Variants in KRT7 observed in about 807,000 individuals in gnomAD.
KRT7 encodes the protein keratin 7.
KRT7 carries 50 observed loss-of-function variants against 42.8 expected under a neutral mutation model. That is an observed-to-expected ratio of 1.17 (90% CI 0.93 to 1.48). The LOEUF (loss-of-function observed/expected upper bound fraction) is 1.48, where lower values mean the gene tolerates loss of function less well. KRT7 is among the 40% of genes most tolerant of loss of function. The pLI, the probability that KRT7 is intolerant of heterozygous loss-of-function variation, is 0.00. For synonymous variants in KRT7, 268 were observed against 266.3 expected (o/e 1.01, Z -0.06); for missense variants, 588 against 637.6 (o/e 0.92, Z 0.84).
At chr12:52,238,799 C>T (rs1230495335) in intron 4 of KRT7, 24 bp downstream of exon 4, 1 of 1,433,172 alleles carries the variant, frequency 7.0e-7, no homozygotes, top group East Asian at 2.3e-5. Flanking sequence ...AGCTGGGTGA[C>T]ATGTCTTATC....
Position 52,245,501 on chromosome 12 carries a change from A to C in KRT7, c.1074A>C (p.Glu358Asp). 6.2e-7 allele frequency: 1 copy of C among 1,613,964 alleles called. No homozygotes were observed. The highest frequency in any genetic ancestry group is 8.5e-7 in the Non-Finnish European group (1 of 1,179,864). The change falls in exon 7 of 9, where the codon GAA becomes GAC. Residue 358 changes from glutamate (E) to aspartate (D), a missense_variant. Physicochemically the swap from Glu to Asp is conservative, Grantham distance 45. Coordinates refer to ENST00000331817, the MANE Select transcript of KRT7 (RefSeq NM_005556.4). ...CTCGTGCCAAGCAGGAGGAGCTGGA[A>C]GCCGCCCTGCAGCGGGGCAAGCAGG... Reference protein sequence around the residue: ...KDARAKQEELEAALQRGKQDM... With the variant: ...KDARAKQEELDAALQRGKQDM...
At chr12:52,249,410 C>T (rs1173618834), downstream of KRT7, 1 of 152,404 alleles carries the variant, frequency 6.6e-6, no homozygotes, top group Non-Finnish European at 1.5e-5. Flanking sequence ...AGGTCCTCTG[C>T]ATCTTGAATT....
downstream of KRT7, chr12:52,253,241 G>A (rs1484448584): frequency 6.2e-7 from 1 of 1,610,088 alleles, no homozygotes; most frequent in African/African-American, 1.3e-5. Context: ...CACCTCGGCT[G>A]TCAGCCTCTG....
At chr12:52,239,712 A>G (rs1942058445) in intron 4 of KRT7, among the ~76,000 whole-genome samples, 1 of 152,176 alleles carries the variant, frequency 6.6e-6, no homozygotes, top group Admixed American at 6.5e-5. Flanking sequence ...GGGGAGCCCA[A>G]GTCAGGAGAG....
Position 52,238,727 on chromosome 12 carries a change from G to A in KRT7, c.645G>A (p.Val215=), listed in dbSNP as rs779940537. 7 of 1,614,090 alleles carry A rather than the reference G, an allele frequency of 4.3e-6. No individual in the cohort carries two copies. Among genetic ancestry groups the A allele is most frequent in the Non-Finnish European group, 5.9e-6 (7 of 1,179,948 alleles). ...GCAAGGTGGAGCTGGAGGCCAAGGT[G>A]GATGCCCTGAATGATGAGATCAACT... The part of the protein sequence containing the change: ...YMSKVELEAK[V]DALNDEINFL... The change falls in exon 4 of 9, where the codon GTG becomes GTA. Residue 215 remains valine, a synonymous_variant. Coordinates refer to ENST00000331817, the MANE Select transcript of KRT7 (RefSeq NM_005556.4).
At chr12:52,240,536 A>G (rs1942073232) in intron 4 of KRT7, among the ~76,000 whole-genome samples, 1 of 152,134 alleles carries the variant, frequency 6.6e-6, no homozygotes, top group African/African-American at 2.4e-5. Flanking sequence ...AGGCTGAGAC[A>G]GGAGAACTGG....
downstream of KRT7, chr12:52,253,821 G>A (rs569589417): frequency 3.2e-4 from 176 of 551,014 alleles, no homozygotes; most frequent in African/African-American, 2.5e-3. Context: ...ACTCTTGGTA[G>A]CCCACCCTCA....
downstream of KRT7, among the ~76,000 whole-genome samples, chr12:52,251,369 C>T (rs1006114861): frequency 2.0e-5 from 3 of 152,204 alleles, no homozygotes; most frequent in South Asian, 2.1e-4. Context: ...CTAATACTAA[C>T]GGTAGCTGAT....
chr12:52,250,694 T>C, downstream of KRT7: 2 of 542,692 alleles, frequency 3.7e-6, no homozygotes, highest in Admixed American at 4.7e-5. Flanking sequence ...AGGCCCCTTC[T>C]GCTCAGAGCT....
At chr12:52,248,567 G>C in intron 8 of KRT7, 24 bp from the exon 9 acceptor site, 1 of 1,551,860 alleles carries the variant, frequency 6.4e-7, no homozygotes, top group Non-Finnish European at 8.7e-7. Context: ...ACGCTGAAGA[G>C]AGCCCTCCTC....
At chr12:52,245,298 T>C in intron 6 of KRT7, 114 bp from the exon 7 acceptor site, 1 of 921,178 alleles carries the variant, frequency 1.1e-6, no homozygotes, top group Non-Finnish European at 1.7e-6. Context: ...CTTGGGGGAG[T>C]AGGTGGTGCC....
intron 6 of KRT7, chr12:52,244,589 G>C (rs1942142154): frequency 2.0e-6 from 2 of 985,818 alleles, no homozygotes; most frequent in African/African-American, 3.5e-5. Context: ...GAGGGAAGAG[G>C]ATCTGAGGAT....
rs2121097852 is a variant in KRT7, at chr12:52,244,574, C to T, written c.985-838C>T. On this transcript the variant is annotated intron_variant, in intron 6 of 8. Transcript: ENST00000331817. The stretch of plus-strand genomic sequence containing the variant: ...TCTCTGGCAGAGAGGCAGACTGCCT[C>T]CACTGAGGGAAGAGGATCTGAGGAT... 5.1e-6 allele frequency: 5 copies of T among 985,778 alleles called. No individual in the cohort carries two copies. The South Asian group carries it at 2.3e-4, about 46-fold the overall frequency. The allele number at this position is 985,778 out of a possible 1,614,324, so 61.1% of individuals were successfully genotyped here. A position where few individuals can be genotyped will look rare whatever the true frequency, so the allele number is the denominator to read the frequency against.
intron 8 of KRT7, 136 bp downstream of exon 8, chr12:52,248,347 G>A: frequency 1.0e-6 from 1 of 982,838 alleles, no homozygotes; most frequent in Non-Finnish European, 1.6e-6. Flanking sequence ...GGATTGACAG[G>A]TCCCCTGGAG....
rs1301735811 is a variant in KRT7 at position 52,248,736 on chromosome 12, C to T, written c.1386C>T (p.Ala462=). The T allele has an allele frequency of 1.3e-6, 2 of 1,592,082 alleles. No individual in the cohort carries two copies. The highest frequency in any genetic ancestry group is 2.7e-5 in the African/African-American group (2 of 74,336). ...CTTATTCCATCCGGACCGCATCCGCCAGTCGCAGGAGTGCCCGCGACTGAG... is the reference window on the plus strand; with the variant it reads ...CTTATTCCATCCGGACCGCATCCGCTAGTCGCAGGAGTGCCCGCGACTGAG... ...LKAYSIRTAS[A]SRRSARD is the part of the protein sequence containing the mutation. Residue 462 remains alanine (A), a synonymous_variant, in exon 9 of 9, where the codon GCC becomes GCT. Transcript: ENST00000331817.
At chr12:52,236,549 A>G (rs1942015265) in intron 2 of KRT7, among the ~76,000 whole-genome samples, 1 of 152,154 alleles carries the variant, frequency 6.6e-6, no homozygotes, top group Non-Finnish European at 1.5e-5. Context: ...CTGCCAAGGC[A>G]GGGGTGGACG....
chr12:52,238,901 C>G, intron 4 of KRT7, 126 bp downstream of exon 4: 1 of 646,610 alleles, frequency 1.5e-6, no homozygotes, highest in Non-Finnish European at 2.8e-6. Flanking sequence ...ACTCATCCGT[C>G]CAAACCCAAA....
downstream of KRT7, chr12:52,252,576 G>A (rs1439963815): frequency 2.7e-6 from 4 of 1,469,976 alleles, no homozygotes; most frequent in African/African-American, 1.4e-5. Context: ...AAGAAAAAGA[G>A]GCCTTGTCTA....
At chr12:52,246,301 T>C (rs531019790) in intron 7 of KRT7, 1 of 152,378 alleles carries the variant, frequency 6.6e-6, no homozygotes, top group East Asian at 1.9e-4. Context: ...TGGCTTGTTA[T>C]AAGACACCAT....
Sources: allele counts gnomAD v4.1 joint callset (sites outside exome capture counted in the v4.1 genomes callset), GRCh38; gene constraint gnomAD v4.1.1; transcripts MANE v1.5; gene names NCBI Gene and HGNC (gene_info 2026-07-23, HGNC 2026-07-21).